MAP3K13: variants seen among roughly 807,000 people sequenced by gnomAD.
MAP3K13 encodes leucine zipper-bearing kinase.
Under a neutral mutation model 104.0 loss-of-function variants are expected in MAP3K13, and 52 were observed. That is an observed-to-expected ratio of 0.50 (90% CI 0.40 to 0.63). The LOEUF is 0.63. Ranked by LOEUF, MAP3K13 falls within the 20% of genes least tolerant of loss-of-function variation. MAP3K13 has a pLI of 0.00. For missense variants in MAP3K13, 914 were observed against 1,218.5 expected (o/e 0.75, Z 3.72); for synonymous variants, 394 against 442.2 (o/e 0.89, Z 1.37).
chr3:185,323,234 C>G (rs1417530228), intron 2 of MAP3K13, among the ~76,000 whole-genome samples: 2 of 151,902 alleles, frequency 1.3e-5, no homozygotes, highest in Non-Finnish European at 2.9e-5. Context: ...TGACTATTAA[C>G]TAAAAGCCAG....
At chr3:185,348,707 A>G (rs1164226215) in intron 2 of MAP3K13, among the ~76,000 whole-genome samples, 2 of 152,136 alleles carry the variant, frequency 1.3e-5, no homozygotes, top group African/African-American at 4.8e-5. Flanking sequence ...TCACGAGATC[A>G]AGAGATCGAG....
Position 185,451,349 on chromosome 3 carries a change from C to T in MAP3K13, c.1232C>T (p.Ser411Phe). The change falls in exon 7 of 14, where the codon TCT (serine) becomes TTT (phenylalanine). Residue 411 changes from serine (S) to phenylalanine (F), a missense_variant. Around this residue, in one of 3 missense-constraint regions of MAP3K13, gnomAD observed 583 missense variants for 737.4 expected, o/e 0.79. Coordinates refer to ENST00000265026, the MANE Select transcript of MAP3K13 (RefSeq NM_004721.5). Reference sequence around the variant, plus strand: ...ACACTCATGCATTTAGACATTGCCTCTGCAGATGTACTTGCCACCCCACAA... The same window carrying T: ...ACACTCATGCATTTAGACATTGCCTTTGCAGATGTACTTGCCACCCCACAA... ...RQTLMHLDIASADVLATPQET... is the reference protein window; with the variant it reads ...RQTLMHLDIAFADVLATPQET... 3 of 1,613,838 alleles carry T rather than the reference C, an allele frequency of 1.9e-6. No individual in the cohort carries two copies. The highest frequency in any genetic ancestry group is 2.5e-6 in the Non-Finnish European group (3 of 1,179,758).
At chr3:185,349,652 A>C (rs922675149) in intron 2 of MAP3K13, among the ~76,000 whole-genome samples, 2 of 152,254 alleles carry the variant, frequency 1.3e-5, no homozygotes, top group Non-Finnish European at 2.9e-5. Context: ...CGTATTAAGA[A>C]AGGAAACTTT....
intron 2 of MAP3K13, among the ~76,000 whole-genome samples, chr3:185,325,372 A>G (rs1722010880): frequency 6.6e-6 from 1 of 152,208 alleles, no homozygotes; most frequent in Admixed American, 6.5e-5. Context: ...ATCCTTAGTC[A>G]CATCAGCAAA....
chr3:185,395,458 A>T (rs1712343306), intron 1 of MAP3K13, among the ~76,000 whole-genome samples: 1 of 91,712 alleles, frequency 1.1e-5, no homozygotes, highest in African/African-American at 4.2e-5. Flanking sequence ...TCCCGGGTTC[A>T]CGCCATTCTC....
chr3:185,425,050 T>A (rs1053574221), intron 1 of MAP3K13, among the ~76,000 whole-genome samples: 1 of 152,216 alleles, frequency 6.6e-6, no homozygotes, highest in Non-Finnish European at 1.5e-5. Context: ...TTTTTTGTAC[T>A]TTTTGCCATG....
At chr3:185,327,890 C>G (rs1722093641) in intron 2 of MAP3K13, among the ~76,000 whole-genome samples, 1 of 131,648 alleles carries the variant, frequency 7.6e-6, no homozygotes, top group Admixed American at 8.5e-5. Flanking sequence ...CCAGCCGGGA[C>G]AACAGAGTGA....
chr3:185,383,407 A>T (rs1004710496), intron 1 of MAP3K13, among the ~76,000 whole-genome samples: 10 of 152,058 alleles, frequency 6.6e-5, no homozygotes, highest in African/African-American at 1.9e-4. Flanking sequence ...AATATTTTTT[A>T]AAAAATTAGC....
intron 2 of MAP3K13, among the ~76,000 whole-genome samples, chr3:185,338,523 C>T (rs1418890200): frequency 6.6e-6 from 1 of 152,136 alleles, no homozygotes; most frequent in Non-Finnish European, 1.5e-5. Context: ...AAATTACTAA[C>T]ATATAAGTGG....
At chr3:185,363,024 T>C (rs1372542053), upstream of MAP3K13, 5 of 973,318 alleles carry the variant, frequency 5.1e-6, no homozygotes, top group Non-Finnish European at 6.1e-6. Context: ...AGATGCCTGA[T>C]TGGCGGGCTC....
intron 2 of MAP3K13, among the ~76,000 whole-genome samples, chr3:185,286,495 TAA>T (rs774819173): frequency 2.1e-5 from 3 of 143,138 alleles, no homozygotes; most frequent in African/African-American, 2.5e-5. Context: ...TGTTTGAAAT[TAA>T]AAAAAAAAAA....
chr3:185,416,104 G>A (rs1713754589), intron 1 of MAP3K13, among the ~76,000 whole-genome samples: 1 of 151,966 alleles, frequency 6.6e-6, no homozygotes, highest in Admixed American at 6.6e-5. Flanking sequence ...CTTTTGATCT[G>A]GTATCTCACT....
In MAP3K13 at chr3:185,407,690, T is replaced by C. The variant is rs1713192459; in HGVS notation, c.-85-20807T>C. ...GAATTAAGGGGGAAGAAAGCTCAAGTGTGTTCCCTCTTCCCCACACCTTGC... is the reference window on the plus strand; with the variant it reads ...GAATTAAGGGGGAAGAAAGCTCAAGCGTGTTCCCTCTTCCCCACACCTTGC... On this transcript the variant is annotated intron_variant, in intron 1 of 13. Transcript: ENST00000265026. 3.9e-5 allele frequency among the ~76,000 whole-genome samples: 6 copies of C among 152,196 alleles called. No individual in the cohort carries two copies. The South Asian group carries it at 1.2e-3, about 32-fold the overall frequency.
intron 1 of MAP3K13, among the ~76,000 whole-genome samples, chr3:185,371,265 GTCAAGCCAAGAGGGC>G (rs1442059859): frequency 6.6e-6 from 1 of 152,014 alleles, no homozygotes; most frequent in East Asian, 1.9e-4. Flanking sequence ...TTGTATAATT[GTCAAGCCAAGAGGGC>G]TGATGTCTAG....
At chr3:185,390,358 C>G (rs1377326950) in intron 1 of MAP3K13, among the ~76,000 whole-genome samples, 1 of 152,132 alleles carries the variant, frequency 6.6e-6, no homozygotes, top group East Asian at 1.9e-4. Context: ...AAGGTGGAGT[C>G]AGCATTCAGT....
intron 1 of MAP3K13, among the ~76,000 whole-genome samples, chr3:185,381,979 A>G (rs1036115778): frequency 6.6e-6 from 1 of 152,206 alleles, no homozygotes; most frequent in Non-Finnish European, 1.5e-5. Context: ...ACAAGACTTA[A>G]CTGTAGTTAA....
chr3:185,439,204 TAA>T (rs1715198273), intron 3 of MAP3K13, among the ~76,000 whole-genome samples: 1 of 152,022 alleles, frequency 6.6e-6, no homozygotes, highest in Non-Finnish European at 1.5e-5. Context: ...ACCAGGACAC[TAA>T]GAGACAGAAA....
intron 1 of MAP3K13, among the ~76,000 whole-genome samples, chr3:185,411,570 T>C (rs1713446906): frequency 6.6e-6 from 1 of 152,194 alleles, no homozygotes; most frequent in Non-Finnish European, 1.5e-5. Context: ...AGCAAACAAG[T>C]ACAATAATAA....
At chr3:185,441,497 T>G (rs1480170336) in intron 3 of MAP3K13, among the ~76,000 whole-genome samples, 4 of 152,224 alleles carry the variant, frequency 2.6e-5, no homozygotes, top group Non-Finnish European at 5.9e-5. Flanking sequence ...TAGTGGCTGT[T>G]GTATATCATA....
Sources: allele counts gnomAD v4.1 joint callset (sites outside exome capture counted in the v4.1 genomes callset), GRCh38; gene constraint gnomAD v4.1.1; regional missense constraint gnomAD v4.1.1; transcripts MANE v1.5; gene names NCBI Gene and HGNC (gene_info 2026-07-23, HGNC 2026-07-21).